The following SCNN1A variants were observed in gnomAD, a reference collection of about 807,000 sequenced individuals.
The protein encoded by SCNN1A is sodium channel epithelial 1 subunit alpha, also known as epithelial sodium channel subunit alpha.
In SCNN1A, 65 loss-of-function variants were observed where a neutral mutation model predicts 68.6. The ratio of observed to expected loss-of-function variants is 0.95; its 90% CI spans 0.78 to 1.16. The LOEUF is 1.16. SCNN1A is among the 50% of genes most tolerant of loss of function. The pLI, the probability that SCNN1A is intolerant of heterozygous loss-of-function variation, is 0.00. For missense variants in SCNN1A, 880 were observed against 865.9 expected (o/e 1.02, Z -0.20); for synonymous variants, 357 against 353.3 (o/e 1.01, Z -0.12).
rs773425845 is a variant in SCNN1A, at chr12:6,363,436, G to C, written c.684+7C>G. ...CGGGGCGGGCCCCTCGGCGCTGCGG[G>C]CCTCACCAGCTGGAAGCCGATCTTC... On this transcript the variant is annotated splice_region_variant and intron_variant, in intron 3 of 12. Transcript: ENST00000228916. The C allele has an allele frequency of 1.9e-6, 3 of 1,558,566 alleles. No homozygotes were observed. Among genetic ancestry groups the C allele is most frequent in the African/African-American group, 1.4e-5 (1 of 73,036 alleles).
chr12:6,376,820 G>C (rs912836002), upstream of SCNN1A, among the ~76,000 whole-genome samples: 1 of 152,194 alleles, frequency 6.6e-6, no homozygotes, highest in Non-Finnish European at 1.5e-5. Flanking sequence ...TGTGGTCACT[G>C]GCTTGTCCTG....
chr12:6,373,687 G>A (rs907005946), intron 2 of SCNN1A, among the ~76,000 whole-genome samples: 6 of 152,190 alleles, frequency 3.9e-5, no homozygotes, highest in African/African-American at 7.2e-5. Context: ...ACCCAAGCAC[G>A]TAAAGGTCAG....
At chr12:6,356,195 G>C in intron 4 of SCNN1A, 1 of 424,090 alleles carries the variant, frequency 2.4e-6, no homozygotes, top group South Asian at 2.4e-5. Flanking sequence ...CCTCTCACCA[G>C]GCCATCTGGG....
intron 8 of SCNN1A, chr12:6,353,686 TC>T (rs1173502387): frequency 1.7e-5 from 1 of 59,698 alleles, no homozygotes; most frequent in Non-Finnish European, 2.7e-5. Flanking sequence ...GCCTCCCGGG[TC>T]CACACCATTC....
intron 8 of SCNN1A, chr12:6,350,000 A>T: frequency 5.2e-6 from 1 of 194,038 alleles, no homozygotes; most frequent in Non-Finnish European, 1.1e-5. Flanking sequence ...TGCTGGGATT[A>T]CAGGTGTGAG....
intron 2 of SCNN1A, among the ~76,000 whole-genome samples, chr12:6,368,053 A>C (rs150390948): frequency 6.6e-6 from 1 of 152,380 alleles, no homozygotes; most frequent in East Asian, 1.9e-4. Context: ...TAATTAAAAG[A>C]ATGGCAAGCA....
At position 6,375,500 on chromosome 12, in the gene SCNN1A, C is replaced by T. The variant is rs13306617; in HGVS notation, c.-55+5G>A. The T allele has an allele frequency of 6.9e-5, 106 of 1,535,470 alleles. No homozygotes were observed. The highest frequency in any genetic ancestry group is 8.7e-5 in the Non-Finnish European group (100 of 1,146,872). ...TCTGGCAGCCAAACCTCTCCTCCCCCTCACCTGACAGGTGCAGCGGCCTGG... is the reference window on the plus strand; with the variant it reads ...TCTGGCAGCCAAACCTCTCCTCCCCTTCACCTGACAGGTGCAGCGGCCTGG... On this transcript the variant is annotated splice_donor_5th_base_variant and intron_variant, in intron 1 of 12. Transcript: ENST00000228916.
chr12:6,374,775 C>G lies in SCNN1A; in HGVS notation c.9G>C (p.Gly3=), dbSNP rs780762241. ...TAGAGTCCTGCTCCTCCAGCTTGTT[C>G]CCCTCCATGAGACCTGGTATGGGCT... ME[G]NKLEEQDSSP... Residue 3 remains glycine, a synonymous_variant, in exon 2 of 13, where the codon GGG becomes GGC. Coordinates refer to ENST00000228916, the MANE Select transcript of SCNN1A (RefSeq NM_001038.6). This position sits in a 1 kb window ranked among gnomAD's most constrained non-coding sequence, Gnocchi z 6.2. 4.3e-6 allele frequency: 7 copies of G among 1,613,872 alleles called. No homozygotes were observed. The highest frequency in any genetic ancestry group is 5.9e-6 in the Non-Finnish European group (7 of 1,179,982).
Position 6,363,638 on chromosome 12 carries a change from T to G in SCNN1A, c.489A>C (p.Lys163Asn), listed in dbSNP as rs753190765. Residue 163 changes from lysine (K) to asparagine (N), a missense_variant, in exon 3 of 13, where the codon AAA becomes AAC. By Grantham distance (94) the Lys-to-Asn change is moderately conservative. Around this residue, in one of 3 missense-constraint regions of SCNN1A, gnomAD observed 758 missense variants for 721.8 expected, o/e 1.05. Coordinates refer to ENST00000228916, the MANE Select transcript of SCNN1A (RefSeq NM_001038.6). ...ITEQTLFDLY[K>N]YSSFTTLVAG... Reference sequence around the variant, plus strand: ...CCACGAGAGTGGTGAAGGAGCTGTATTTGTACAGGTCAAAGAGCGTCTGCT... The same window carrying G: ...CCACGAGAGTGGTGAAGGAGCTGTAGTTGTACAGGTCAAAGAGCGTCTGCT... 1.8e-5 allele frequency: 29 copies of G among 1,613,004 alleles called. No individual in the cohort carries two copies. Among genetic ancestry groups the G allele is most frequent in the Non-Finnish European group, 2.5e-5 (29 of 1,179,530 alleles).
intron 2 of SCNN1A, 182 bp from the exon 3 acceptor site, chr12:6,363,892 GC>G: frequency 2.0e-6 from 1 of 490,782 alleles, no homozygotes; most frequent in South Asian, 3.7e-5. Context: ...AGGTGTGTCC[GC>G]CGGGAAGGCG....
chr12:6,364,982 T>A (rs868609096), intron 2 of SCNN1A, among the ~76,000 whole-genome samples: 10 of 150,250 alleles, frequency 6.7e-5, no homozygotes, highest in Admixed American at 2.0e-4. Context: ...TAAGTGGAGA[T>A]ATATATATAT....
At position 6,347,937 on chromosome 12, in the gene SCNN1A, G is replaced by A. The variant is rs1182784000; in HGVS notation, c.1946C>T (p.Pro649Leu). ...APPPAYATLG[P>L]RPSPGGSAGA... ...TGCAGAGCCCCCTGGAGATGGGCGG[G>A]GGCCCAGGGTGGCATAGGCAGGGGG... The change falls in exon 13 of 13, where the codon CCC becomes CTC. Residue 649 changes from proline (P) to leucine (L), a missense_variant. Transcript: ENST00000228916. 1.9e-6 allele frequency: 3 copies of A among 1,583,012 alleles called. No individual in the cohort carries two copies. Among genetic ancestry groups the A allele is most frequent in the African/African-American group, 2.7e-5 (2 of 74,296 alleles).
chr12:6,349,741 T>G (rs1948341334), intron 8 of SCNN1A: 3 of 258,208 alleles, frequency 1.2e-5, no homozygotes, highest in Non-Finnish European at 1.5e-5. Flanking sequence ...ATTAATTTTT[T>G]TTTTAGACGG....
chr12:6,375,646 C>T (rs563337751), upstream of SCNN1A: 42 of 1,483,708 alleles, frequency 2.8e-5, 1 homozygote, highest in South Asian at 2.3e-4. Context: ...GGGAGTTTTC[C>T]GAAGGAAGGA....
chr12:6,360,895 G>A (rs1387982505), intron 4 of SCNN1A, among the ~76,000 whole-genome samples: 2 of 152,240 alleles, frequency 1.3e-5, no homozygotes, highest in Non-Finnish European at 2.9e-5. Flanking sequence ...AGGGGTAGTG[G>A]GGTGGGAAGA....
At chr12:6,362,504 C>T (rs1948597130) in intron 3 of SCNN1A, among the ~76,000 whole-genome samples, 1 of 152,112 alleles carries the variant, frequency 6.6e-6, no homozygotes, top group Non-Finnish European at 1.5e-5. Flanking sequence ...TATACCTCCC[C>T]TGCCTAGGGT....
chr12:6,369,258 G>GCTGCCACCCTACGCGCCTCCCTC (rs1948734919), intron 2 of SCNN1A, among the ~76,000 whole-genome samples: 2 of 126,122 alleles, frequency 1.6e-5, no homozygotes, highest in African/African-American at 6.8e-5. Context: ...CCTCCTCCAT[G>GCTGCCACCCTACGCGCCTCCCTC]CTGCCACCCT....
In SCNN1A at chr12:6,355,842, C is replaced by T; in HGVS notation, c.914G>A (p.Cys305Tyr). Residue 305 changes from cysteine to tyrosine, a missense_variant, in exon 5 of 13, where the codon TGC (cysteine) becomes TAC (tyrosine). By Grantham distance (194) the Cys-to-Tyr change is radical. Transcript: ENST00000228916. Reference protein sequence around the residue: ...SHFHHPMYGNCYTFNDKNNSN... With the variant: ...SHFHHPMYGNYYTFNDKNNSN... ...GTTGTTCTTGTCATTGAAAGTATAG[C>T]AGTTTCCATACATCGGGTGGTGGAA... The T allele has an allele frequency of 6.2e-7, 1 of 1,613,576 alleles. No homozygotes were observed. The highest frequency in any genetic ancestry group is 8.5e-7 in the Non-Finnish European group (1 of 1,179,494).
chr12:6,356,219 ACTTCCGTG>A (rs1221188078), intron 4 of SCNN1A: 4 of 384,094 alleles, frequency 1.0e-5, no homozygotes, highest in African/African-American at 6.1e-5. Context: ...ACCGGCATTG[ACTTCCGTG>A]CTGCCTTGTA....
Sources: allele counts gnomAD v4.1 joint callset (sites outside exome capture counted in the v4.1 genomes callset), GRCh38; gene constraint gnomAD v4.1.1; regional missense constraint gnomAD v4.1.1; non-coding constraint Gnocchi (gnomAD v3.1); transcripts MANE v1.5; gene names NCBI Gene and HGNC (gene_info 2026-07-23, HGNC 2026-07-21).